Variants in WDR64 observed in about 807,000 individuals in gnomAD.
WDR64 encodes the protein WD repeat-containing protein 64.
WDR64 carries 112 observed loss-of-function variants against 139.3 expected under a neutral mutation model. That is an observed-to-expected ratio of 0.80 (90% CI 0.69 to 0.94). WDR64 has a LOEUF of 0.94. Ranked by LOEUF, WDR64 falls within the 40% of genes least tolerant of loss-of-function variation. The pLI is 0.00. For synonymous variants in WDR64, 444 were observed against 437.7 expected (o/e 1.01, Z -0.18); for missense variants, 1,206 against 1,293.1 (o/e 0.93, Z 1.03).
At chr1:241,732,788 C>G (rs1669133920) in intron 10 of WDR64, among the ~76,000 whole-genome samples, 1 of 151,832 alleles carries the variant, frequency 6.6e-6, no homozygotes, top group African/African-American at 2.4e-5. Flanking sequence ...CCATTGCACT[C>G]CAGCCTGGGC....
intron 10 of WDR64, among the ~76,000 whole-genome samples, chr1:241,732,322 T>C (rs201140486): frequency 0.16 from 24,017 of 152,168 alleles, 2,230 homozygotes; most frequent in East Asian, 0.28. Flanking sequence ...TCTATCTATC[T>C]ATTTGTCATC....
At chr1:241,721,988 T>C (rs1160150076) in intron 9 of WDR64, among the ~76,000 whole-genome samples, 1 of 151,748 alleles carries the variant, frequency 6.6e-6, no homozygotes, top group Non-Finnish European at 1.5e-5. Context: ...AGAGAGGATA[T>C]GGTTTTGGTG....
At chr1:241,725,636 C>T (rs1010984612) in intron 10 of WDR64, among the ~76,000 whole-genome samples, 1 of 152,114 alleles carries the variant, frequency 6.6e-6, no homozygotes, top group Non-Finnish European at 1.5e-5. Context: ...GGAAAATGCA[C>T]CCGGCACCTG....
intron 14 of WDR64, among the ~76,000 whole-genome samples, chr1:241,753,293 TAGAA>T (rs764466509): frequency 1.4e-4 from 21 of 152,224 alleles, no homozygotes; most frequent in Non-Finnish European, 2.9e-5. Context: ...CTTTTCAACA[TAGAA>T]AGAGTCCTGT....
chr1:241,750,542 T>G (rs1669940765), intron 14 of WDR64, among the ~76,000 whole-genome samples: 1 of 152,214 alleles, frequency 6.6e-6, no homozygotes, highest in African/African-American at 2.4e-5. Context: ...AATAATACAC[T>G]CTACAATGAA....
In WDR64 at chr1:241,694,860, T is replaced by C. The variant is rs369814515; in HGVS notation, c.974+7265T>C. Among the ~76,000 whole-genome samples, 5 of 152,202 alleles carry C rather than the reference T, an allele frequency of 3.3e-5. No homozygotes were observed. The East Asian group carries it at 9.6e-4, about 29-fold the overall frequency. Reference sequence around the variant, plus strand: ...AGCTTTTAGTCCAGAAATATATCTGTTATCCAACAAATATTTAGTAAGTCA... The same window carrying C: ...AGCTTTTAGTCCAGAAATATATCTGCTATCCAACAAATATTTAGTAAGTCA... On this transcript the variant is annotated intron_variant, in intron 8 of 27. Coordinates refer to ENST00000437684, the MANE Select transcript of WDR64 (RefSeq NM_001367482.1).
At chr1:241,676,522 C>G (rs1276328677) in intron 4 of WDR64, 1 of 152,006 alleles carries the variant, frequency 6.6e-6, no homozygotes, top group Non-Finnish European at 1.5e-5. Context: ...AAGATGGTAT[C>G]TAGAAAATAA....
At chr1:241,657,559 C>A (rs1331390726) in intron 1 of WDR64, among the ~76,000 whole-genome samples, 1 of 152,100 alleles carries the variant, frequency 6.6e-6, no homozygotes, top group East Asian at 1.9e-4. Flanking sequence ...GTTGATCAGC[C>A]TCTGCCTAAA....
chr1:241,740,039 G>A (rs1399117905), intron 11 of WDR64, among the ~76,000 whole-genome samples: 1 of 152,054 alleles, frequency 6.6e-6, no homozygotes, highest in Non-Finnish European at 1.5e-5. Flanking sequence ...CATTTGATCT[G>A]CACAGCCACC....
chr1:241,665,771 C>T (rs1284172336), intron 2 of WDR64, among the ~76,000 whole-genome samples: 2 of 152,122 alleles, frequency 1.3e-5, no homozygotes, highest in African/African-American at 2.4e-5. Context: ...TCATGTTAGT[C>T]TGGGTTTCCA....
At chr1:241,745,560 A>G (rs1445224797) in intron 13 of WDR64, among the ~76,000 whole-genome samples, 1 of 150,794 alleles carries the variant, frequency 6.6e-6, no homozygotes, top group East Asian at 1.9e-4. Context: ...TAGAACCTAG[A>G]ATTCTTTCAG....
In WDR64 at chr1:241,687,520, A is replaced by G. The variant is rs372820436; in HGVS notation, c.899A>G (p.Asn300Ser). ...VMKIRYISAL[N>S]CFGSCSLDSN... is the part of the protein sequence containing the mutation. ...AAAATTAGATATATTTCAGCCCTAA[A>G]TTGTTTTGGATCCTGCTCCTTAGAC... is the stretch of plus-strand genomic sequence containing the variant. Residue 300 changes from asparagine (N) to serine (S), a missense_variant, in exon 8 of 28, where the codon AAT (asparagine) becomes AGT (serine). Coordinates refer to ENST00000437684, the MANE Select transcript of WDR64 (RefSeq NM_001367482.1). 121 of 1,613,776 alleles carry G rather than the reference A, an allele frequency of 7.5e-5. No homozygotes were observed. The highest frequency in any genetic ancestry group is 9.8e-5 in the Non-Finnish European group (116 of 1,179,878).
Position 241,775,075 on chromosome 1 carries a change from A to G in WDR64, c.2431-30A>G, listed in dbSNP as rs749385080. 4.0e-6 allele frequency: 6 copies of G among 1,517,168 alleles called. No individual in the cohort carries two copies. The East Asian group carries it at 9.8e-5, about 25-fold the overall frequency. 94.0% of individuals were successfully genotyped at this position (1,517,168 alleles called of 1,614,324 possible). On this transcript the variant is annotated intron_variant, in intron 20 of 27. Coordinates refer to ENST00000437684, the MANE Select transcript of WDR64 (RefSeq NM_001367482.1). The stretch of plus-strand genomic sequence containing the variant: ...TTTTATAAGACTTACTAGCAAAGAA[A>G]AAGTTTTATTTGCATTATACTTTAT...
intron 15 of WDR64, among the ~76,000 whole-genome samples, chr1:241,764,642 CA>C (rs1365282403): frequency 1.3e-5 from 2 of 151,936 alleles, no homozygotes; most frequent in African/African-American, 4.8e-5. Context: ...GCTTGAGTGA[CA>C]GATCAAGATT....
At position 241,654,227 on chromosome 1, in the gene WDR64, T is replaced by G. The variant is rs75114141; in HGVS notation, c.145+1598T>G. On this transcript the variant is annotated intron_variant, in intron 1 of 27. Transcript: ENST00000437684. ...ATCTCCTTTTCTACTGGATTTGTCC[T>G]CTCAGTCTAAAAATATACTCAAGCA... is the stretch of plus-strand genomic sequence containing the variant. 6.7e-4 allele frequency among the ~76,000 whole-genome samples: 102 copies of G among 152,334 alleles called. 1 individual carries two copies. The East Asian group carries it at 0.016, about 24-fold the overall frequency.
At chr1:241,736,017 C>A (rs896947869) in intron 10 of WDR64, among the ~76,000 whole-genome samples, 3 of 152,058 alleles carry the variant, frequency 2.0e-5, no homozygotes, top group Non-Finnish European at 2.9e-5. Context: ...AGTGATGTGC[C>A]CTACCCTCAC....
At chr1:241,668,537 C>T (rs1173922885) in intron 2 of WDR64, among the ~76,000 whole-genome samples, 1 of 152,124 alleles carries the variant, frequency 6.6e-6, no homozygotes, top group African/African-American at 2.4e-5. Flanking sequence ...AAGTTTCATA[C>T]ACTATCAATT....
At chr1:241,683,360 T>G (rs1666885693) in intron 6 of WDR64, 127 bp from the exon 7 acceptor site, 1 of 834,998 alleles carries the variant, frequency 1.2e-6, no homozygotes, top group Non-Finnish European at 1.8e-6. Flanking sequence ...TTTCTCAAAT[T>G]ATCTTATAAG....
intron 8 of WDR64, 90 bp downstream of exon 8, chr1:241,687,685 T>C: frequency 7.5e-7 from 1 of 1,338,844 alleles, no homozygotes. Flanking sequence ...ACTTTCAAAC[T>C]GGCTTTAAAA....
Sources: allele counts gnomAD v4.1 joint callset (sites outside exome capture counted in the v4.1 genomes callset), GRCh38; gene constraint gnomAD v4.1.1; transcripts MANE v1.5; gene names NCBI Gene and HGNC (gene_info 2026-07-23, HGNC 2026-07-21).